The following NOB1 variants were observed in gnomAD, a reference collection of about 807,000 sequenced individuals.
NOB1 encodes the protein RNA-binding protein NOB1.
Under a neutral mutation model 44.8 loss-of-function variants are expected in NOB1, and 44 were observed. That is an observed-to-expected ratio of 0.98 (90% CI 0.77 to 1.26). NOB1 has a LOEUF of 1.26. Among genes scored for constraint, NOB1 ranks in the 50% most tolerant of loss-of-function variants. The pLI is 0.00. For missense variants in NOB1, 560 were observed against 544.8 expected (o/e 1.03, Z -0.28); for synonymous variants, 238 against 218.7 (o/e 1.09, Z -0.78).
At chr16:69,747,222 C>CAAAAAAAA (rs35257586) in intron 7 of NOB1, among the ~76,000 whole-genome samples, 5 of 78,584 alleles carry the variant, frequency 6.4e-5, no homozygotes, top group African/African-American at 1.6e-4. Context: ...ACCCTGTCTC[C>CAAAAAAAA]AAAAAAAAAA....
intron 7 of NOB1, among the ~76,000 whole-genome samples, chr16:69,746,522 G>A (rs1030411169): frequency 6.6e-6 from 1 of 152,230 alleles, no homozygotes; most frequent in Non-Finnish European, 1.5e-5. Flanking sequence ...CAGTTCACCC[G>A]ATAGGCACGC....
chr16:69,745,093 T>C, intron 7 of NOB1, 76 bp from the exon 8 acceptor site: 1 of 1,527,664 alleles, frequency 6.5e-7, no homozygotes, highest in Non-Finnish European at 9.0e-7. Context: ...AAGGTGGGTC[T>C]CGGGCCTCAG....
Position 69,754,897 on chromosome 16 carries a change from T to A in NOB1, c.14A>T (p.Glu5Val). The A allele has an allele frequency of 7.5e-6, 12 of 1,590,514 alleles. No individual in the cohort carries two copies. Among genetic ancestry groups the A allele is most frequent in the African/African-American group, 1.3e-5 (1 of 74,708 alleles). MAPV[E>V]HVVADAGAFL... ...AGCCCCAGCATCCGCCACAACGTGCTCCACTGGAGCCATGTTGGCTGCGTG... is the reference window on the plus strand; with the variant it reads ...AGCCCCAGCATCCGCCACAACGTGCACCACTGGAGCCATGTTGGCTGCGTG... The change falls in exon 1 of 9, where the codon GAG (glutamate) becomes GTG (valine). Residue 5 changes from glutamate (E) to valine (V), a missense_variant. Physicochemically the swap from Glu to Val is moderately radical, Grantham distance 121. Coordinates refer to ENST00000268802, the MANE Select transcript of NOB1 (RefSeq NM_014062.3).
chr16:69,743,978 G>A (rs937998326), intron 8 of NOB1, among the ~76,000 whole-genome samples: 2 of 152,214 alleles, frequency 1.3e-5, no homozygotes, highest in African/African-American at 2.4e-5. Context: ...CATGTATAAA[G>A]AGAAAGCAGA....
intron 8 of NOB1, among the ~76,000 whole-genome samples, chr16:69,743,609 C>T (rs960888051): frequency 2.0e-5 from 3 of 152,016 alleles, no homozygotes; most frequent in Middle Eastern, 3.4e-3. Flanking sequence ...ACCAGACACA[C>T]GCAAGGGAAA....
intron 2 of NOB1, among the ~76,000 whole-genome samples, chr16:69,753,912 TCTC>T (rs1407991925): frequency 6.6e-6 from 1 of 152,122 alleles, no homozygotes; most frequent in Non-Finnish European, 1.5e-5. Context: ...TTCAAGCAAT[TCTC>T]CTGCCTCAGC....
intron 8 of NOB1, among the ~76,000 whole-genome samples, chr16:69,744,146 A>G (rs61426398): frequency 0.24 from 36,310 of 152,044 alleles, 4,625 homozygotes; most frequent in East Asian, 0.41. Context: ...CCAACATGGC[A>G]AAACCCCATC....
At chr16:69,746,627 C>T (rs913607722) in intron 7 of NOB1, among the ~76,000 whole-genome samples, 14 of 152,172 alleles carry the variant, frequency 9.2e-5, no homozygotes, top group Admixed American at 6.6e-4. Flanking sequence ...CTCATAGGGC[C>T]GGGTGTGGTG....
intron 6 of NOB1, chr16:69,748,712 A>C: frequency 1.8e-6 from 1 of 554,578 alleles, no homozygotes. Flanking sequence ...GTAAACGTTA[A>C]ACATTTAATG....
intron 8 of NOB1, among the ~76,000 whole-genome samples, chr16:69,743,638 C>T (rs974048131): frequency 5.1e-5 from 6 of 117,720 alleles, no homozygotes; most frequent in Non-Finnish European, 7.9e-5. Context: ...TACAAAGGAA[C>T]GGACTCATAC....
intron 2 of NOB1, 137 bp from the exon 3 acceptor site, chr16:69,752,508 T>A: frequency 2.2e-6 from 2 of 911,564 alleles, no homozygotes; most frequent in Non-Finnish European, 3.3e-6. Context: ...GATCACTATG[T>A]CATGAAAAAC....
chr16:69,744,199 T>TA (rs2038409232), intron 8 of NOB1, among the ~76,000 whole-genome samples: 1 of 152,194 alleles, frequency 6.6e-6, no homozygotes, highest in Admixed American at 6.5e-5. Context: ...CGTGTGCCTG[T>TA]AGTCCCAGCT....
At chr16:69,750,230 C>T (rs1347489333) in intron 3 of NOB1, among the ~76,000 whole-genome samples, 1 of 151,804 alleles carries the variant, frequency 6.6e-6, no homozygotes, top group Admixed American at 6.6e-5. Context: ...GTCTCAAACT[C>T]CCAGCCTCAA....
At chr16:69,747,541 C>T (rs140079399) in intron 7 of NOB1, among the ~76,000 whole-genome samples, 2 of 152,228 alleles carry the variant, frequency 1.3e-5, no homozygotes, top group African/African-American at 4.8e-5. Flanking sequence ...CCATCACCCC[C>T]CAGCTTCAAA....
At chr16:69,752,033 C>A (rs1399552971) in intron 3 of NOB1, among the ~76,000 whole-genome samples, 2 of 151,834 alleles carry the variant, frequency 1.3e-5, no homozygotes, top group Non-Finnish European at 2.9e-5. Context: ...CCGTTGCACT[C>A]CAGCCTGGGC....
At position 69,748,281 on chromosome 16, in the gene NOB1, G is replaced by A. The variant is rs911890477; in HGVS notation, c.775C>T (p.Leu259=). 4 of 1,613,916 alleles carry A rather than the reference G, an allele frequency of 2.5e-6. No individual in the cohort carries two copies. Among genetic ancestry groups the A allele is most frequent in the African/African-American group, 1.3e-5 (1 of 74,920 alleles). The change falls in exon 7 of 9, where the codon CTG becomes TTG. Residue 259 remains leucine, a synonymous_variant. Transcript: ENST00000268802. ...GLHVLAVNGM[L]IREARSYILR... ...ATGTAGCTCCGGGCCTCACGAATCA[G>A]CATGCCGTTCACCGCCAGCACGTGC...
chr16:69,748,283 A>G lies in NOB1; in HGVS notation c.773T>C (p.Met258Thr). 6.2e-7 allele frequency: 1 copy of G among 1,614,152 alleles called. No homozygotes were observed. Among genetic ancestry groups the G allele is most frequent in the Non-Finnish European group, 8.5e-7 (1 of 1,179,984 alleles). Residue 258 changes from methionine (M) to threonine (T), a missense_variant, in exon 7 of 9, where the codon ATG (methionine) becomes ACG (threonine). Coordinates refer to ENST00000268802, the MANE Select transcript of NOB1 (RefSeq NM_014062.3). ...MGLHVLAVNGMLIREARSYIL... is the reference protein window; with the variant it reads ...MGLHVLAVNGTLIREARSYIL... ...GTAGCTCCGGGCCTCACGAATCAGCATGCCGTTCACCGCCAGCACGTGCAG... is the reference window on the plus strand; with the variant it reads ...GTAGCTCCGGGCCTCACGAATCAGCGTGCCGTTCACCGCCAGCACGTGCAG...
chr16:69,754,563 T>C, intron 2 of NOB1, 31 bp downstream of exon 2: 1 of 1,611,070 alleles, frequency 6.2e-7, no homozygotes, highest in Non-Finnish European at 8.5e-7. Flanking sequence ...GGACCCCAGC[T>C]TCCCGTCAAC....
rs543289898 is a variant in NOB1, at chr16:69,748,950, C to T, written c.694G>A (p.Val232Ile). ...GCGAAGTCTGTGGTCAGGCAGCCAA[C>T]CCGCACGTCCTCGGGGACGTCACAC... is the stretch of plus-strand genomic sequence containing the variant. ...EQCDVPEDVR[V>I]GCLTTDFAMQ... Residue 232 changes from valine (V) to isoleucine (I), a missense_variant, in exon 6 of 9, where the codon GTT becomes ATT. Physicochemically the swap from Val to Ile is conservative, Grantham distance 29. Coordinates refer to ENST00000268802, the MANE Select transcript of NOB1 (RefSeq NM_014062.3). 15 of 1,612,296 alleles carry T rather than the reference C, an allele frequency of 9.3e-6. No individual in the cohort carries two copies. The East Asian group carries it at 2.7e-4, about 29-fold the overall frequency.
Sources: gnomAD v4.1 joint callset for allele counts (sites outside exome capture counted in the v4.1 genomes callset) on GRCh38, gnomAD v4.1.1 for gene constraint, MANE v1.5 for transcripts, NCBI Gene and HGNC (gene_info 2026-07-23, HGNC 2026-07-21) for gene names.